ZC3H12B: variants seen among roughly 807,000 people sequenced by gnomAD.
ZC3H12B encodes zinc finger CCCH-type containing 12B.
In ZC3H12B, 7 loss-of-function variants were observed where a neutral mutation model predicts 43.9. That is an observed-to-expected ratio of 0.16 (90% CI 0.09 to 0.30). The LOEUF is 0.30. Among genes scored for constraint, ZC3H12B ranks in the 10% least tolerant of loss-of-function variants. The pLI is 1.00. For synonymous variants in ZC3H12B, 222 were observed against 241.7 expected (o/e 0.92, Z 0.76); for missense variants, 475 against 670.2 (o/e 0.71, Z 3.22).
intron 2 of ZC3H12B, among the ~76,000 whole-genome samples, chrX:65,381,194 T>TA (rs1388684493): frequency 9.0e-6 from 1 of 111,228 alleles, no homozygotes; most frequent in Non-Finnish European, 1.9e-5. Flanking sequence ...ATTGACCGCA[T>TA]ACGTGGAAGT....
intron 3 of ZC3H12B, among the ~76,000 whole-genome samples, chrX:65,427,382 G>T (rs2067096328): frequency 9.0e-6 from 1 of 110,791 alleles, no homozygotes; most frequent in Non-Finnish European, 1.9e-5. Context: ...AGGCTGGAGA[G>T]TAGTGGTATA....
chrX:65,145,977 C>A, the ZC3H12B span, among the ~76,000 whole-genome samples: 1 of 111,443 alleles, frequency 9.0e-6, no homozygotes, highest in African/African-American at 3.3e-5. Flanking sequence ...TATCTTCTTG[C>A]AATGAATTTC....
At chrX:65,503,248 T>G (rs749528155) in exon 5 of ZC3H12B, 17 of 978,386 alleles carry the variant, frequency 1.7e-5, no homozygotes, top group Non-Finnish European at 2.2e-5. Context: ...AATATGAATA[T>G]TAATACTAAT....
At chrX:65,298,012 A>T in the ZC3H12B span, among the ~76,000 whole-genome samples, 1 of 112,356 alleles carries the variant, frequency 8.9e-6, no homozygotes, top group South Asian at 3.7e-4. Context: ...TGGATCAAAG[A>T]TTTTAATCTT....
At chrX:65,330,924 A>T in the ZC3H12B span, 1 of 272,511 alleles carries the variant, frequency 3.7e-6, no homozygotes, top group Non-Finnish European at 7.2e-6. Flanking sequence ...TCACTTCAAC[A>T]TGTTTCTGTT....
Position 65,429,815 on chromosome X carries a change from C to T in ZC3H12B, n.407+31111C>T, listed in dbSNP as rs36003921. Among the ~76,000 whole-genome samples the T allele has an allele frequency of 6.1e-3, 689 of 112,167 alleles. 4 individuals carry two copies. The highest frequency in any genetic ancestry group is 0.011 in the Non-Finnish European group (571 of 53,156). On this transcript the variant is annotated intron_variant and non_coding_transcript_variant, in intron 3 of 5. Coordinates refer to the ZC3H12B transcript ENST00000617377. Reference sequence around the variant, plus strand: ...TAAAGAAGCAGTCTAGCCATAATCTCGTAAAGCAGCTCTGCTTCATTAGAG... The same window carrying T: ...TAAAGAAGCAGTCTAGCCATAATCTTGTAAAGCAGCTCTGCTTCATTAGAG...
intron 3 of ZC3H12B, among the ~76,000 whole-genome samples, chrX:65,410,459 C>T (rs904359369): frequency 9.0e-6 from 1 of 111,635 alleles, no homozygotes; most frequent in African/African-American, 3.3e-5. Context: ...CAAAAATAGA[C>T]AAATGAGATT....
the ZC3H12B span, among the ~76,000 whole-genome samples, chrX:65,115,433 A>ATT: frequency 2.7e-5 from 3 of 110,409 alleles, no homozygotes; most frequent in African/African-American, 9.9e-5. Flanking sequence ...TATTTACCAC[A>ATT]TTTTCTTTAT....
At chrX:65,296,297 A>G in the ZC3H12B span, among the ~76,000 whole-genome samples, 2 of 111,223 alleles carry the variant, frequency 1.8e-5, no homozygotes, top group East Asian at 5.6e-4. Context: ...AGATGTGGGA[A>G]CTAAGCTATG....
At chrX:65,417,722 C>A (rs1255181145) in intron 3 of ZC3H12B, among the ~76,000 whole-genome samples, 2 of 112,941 alleles carry the variant, frequency 1.8e-5, no homozygotes, top group South Asian at 7.1e-4. Context: ...ATCAGTAATC[C>A]CAGCCTTTTT....
At chrX:65,225,095 C>A in the ZC3H12B span, among the ~76,000 whole-genome samples, 1 of 112,001 alleles carries the variant, frequency 8.9e-6, no homozygotes. Context: ...TGACCCCTGA[C>A]CCCCGAGCAG....
the ZC3H12B span, among the ~76,000 whole-genome samples, chrX:65,132,248 C>G: frequency 9.0e-6 from 1 of 111,708 alleles, no homozygotes; most frequent in Non-Finnish European, 1.9e-5. Context: ...GGTGCAGATC[C>G]TGAACTAACC....
chrX:65,495,038 A>ATCTTC (rs1193884152), intron 1 of ZC3H12B, among the ~76,000 whole-genome samples: 1 of 111,486 alleles, frequency 9.0e-6, no homozygotes, highest in Non-Finnish European at 1.9e-5. Context: ...ACAACTGAAC[A>ATCTTC]TCTTCTCTTC....
intron 3 of ZC3H12B, among the ~76,000 whole-genome samples, chrX:65,432,554 C>G (rs1056832937): frequency 1.8e-5 from 2 of 111,818 alleles, no homozygotes; most frequent in African/African-American, 6.5e-5. Flanking sequence ...AGAACCTTCT[C>G]CTGTTCTGGG....
At chrX:65,381,604 A>G (rs1277464724) in intron 2 of ZC3H12B, among the ~76,000 whole-genome samples, 2 of 111,999 alleles carry the variant, frequency 1.8e-5, no homozygotes, top group African/African-American at 3.2e-5. Flanking sequence ...AACTAAAATC[A>G]GAGCAGAACT....
At chrX:65,174,167 G>A in the ZC3H12B span, among the ~76,000 whole-genome samples, 1 of 111,521 alleles carries the variant, frequency 9.0e-6, no homozygotes, top group Non-Finnish European at 1.9e-5. Flanking sequence ...TCCTGTATGA[G>A]GTGTCTGTTG....
At chrX:65,244,889 T>C in the ZC3H12B span, among the ~76,000 whole-genome samples, 4 of 111,060 alleles carry the variant, frequency 3.6e-5, no homozygotes, top group East Asian at 1.1e-3. Flanking sequence ...TTTTCAGTGT[T>C]TTACCATGAT....
chrX:65,185,023 G>T, the ZC3H12B span: 1 of 111,296 alleles, frequency 9.0e-6, no homozygotes, highest in African/African-American at 3.3e-5. Flanking sequence ...AGGTTTTGAA[G>T]ACCTTCAATT....
chrX:65,173,034 T>C, the ZC3H12B span, among the ~76,000 whole-genome samples: 1 of 112,090 alleles, frequency 8.9e-6, no homozygotes, highest in African/African-American at 3.2e-5. Context: ...CAATTTCACA[T>C]TATTGATTCT....
Sources: allele counts gnomAD v4.1 joint callset (sites outside exome capture counted in the v4.1 genomes callset), GRCh38; gene constraint gnomAD v4.1.1; transcripts MANE v1.5; gene names NCBI Gene and HGNC (gene_info 2026-07-23, HGNC 2026-07-21).